The following FOXP2 variants were observed in gnomAD, a reference collection of about 807,000 sequenced individuals.
FOXP2 encodes the protein forkhead box P2.
Under a neutral mutation model 115.8 loss-of-function variants are expected in FOXP2, and 12 were observed. The ratio of observed to expected loss-of-function variants is 0.10; its 90% CI spans 0.07 to 0.17. The LOEUF is 0.17. FOXP2 is among the 10% of genes least tolerant of loss of function. The probability of loss-of-function intolerance (pLI) is 1.00; values close to 1 mark genes in which losing one functional copy is unlikely to be tolerated. For missense variants in FOXP2, 629 were observed against 843.5 expected (o/e 0.75, Z 3.15); for synonymous variants, 328 against 297.7 (o/e 1.10, Z -1.05).
intron 2 of FOXP2, among the ~76,000 whole-genome samples, chr7:114,355,101 A>G (rs530941954): frequency 6.6e-6 from 1 of 152,272 alleles, no homozygotes; most frequent in South Asian, 2.1e-4. Context: ...AAAAACAAAC[A>G]TATCTTTTGT....
At chr7:114,209,751 T>G (rs532109336) in intron 1 of FOXP2, among the ~76,000 whole-genome samples, 19 of 152,292 alleles carry the variant, frequency 1.2e-4, no homozygotes, top group African/African-American at 4.6e-4. Context: ...TTTTCAACTT[T>G]GTTTCATTCT....
chr7:114,236,949 C>T (rs4503027), intron 1 of FOXP2, among the ~76,000 whole-genome samples: 1 of 152,050 alleles, frequency 6.6e-6, no homozygotes, highest in Non-Finnish European at 1.5e-5. Context: ...TGACTCCATC[C>T]TAGGTGATAG....
intron 2 of FOXP2, among the ~76,000 whole-genome samples, chr7:114,429,712 G>T: frequency 6.6e-6 from 1 of 151,422 alleles, no homozygotes; most frequent in East Asian, 1.9e-4. Context: ...CTGCTTTGAA[G>T]GTGTTTCAGG....
At chr7:114,664,594 A>T in intron 16 of FOXP2, 158 bp downstream of exon 16, 1 of 873,772 alleles carries the variant, frequency 1.1e-6, no homozygotes, top group Non-Finnish European at 1.7e-6. Context: ...AAGTTTATCA[A>T]AATCGGTTTT....
At chr7:114,371,530 A>G (rs921345194) in intron 2 of FOXP2, among the ~76,000 whole-genome samples, 3 of 152,130 alleles carry the variant, frequency 2.0e-5, no homozygotes, top group African/African-American at 7.2e-5. Flanking sequence ...TTGATGTAAA[A>G]GATATATGCT....
chr7:114,577,209 A>G (rs2129299206), intron 3 of FOXP2, among the ~76,000 whole-genome samples: 1 of 152,074 alleles, frequency 6.6e-6, no homozygotes, highest in South Asian at 2.1e-4. Context: ...TAAAATATAA[A>G]TTTCAATACA....
At chr7:114,593,884 T>G (rs1332811399) in intron 3 of FOXP2, among the ~76,000 whole-genome samples, 5 of 152,016 alleles carry the variant, frequency 3.3e-5, no homozygotes, top group African/African-American at 1.2e-4. Context: ...TAAATATTTA[T>G]TAGTTGATTG....
At chr7:114,497,918 T>C (rs911191144) in intron 2 of FOXP2, among the ~76,000 whole-genome samples, 1 of 152,080 alleles carries the variant, frequency 6.6e-6, no homozygotes, top group Non-Finnish European at 1.5e-5. Context: ...GATGATGAGA[T>C]TCAGATTAAA....
At chr7:114,341,880 T>C (rs1791225520) in intron 2 of FOXP2, among the ~76,000 whole-genome samples, 1 of 151,410 alleles carries the variant, frequency 6.6e-6, no homozygotes, top group South Asian at 2.1e-4. Context: ...ACAGTAGTTT[T>C]GACTGCTCAA....
chr7:114,509,104 C>G (rs1389481153), intron 2 of FOXP2, among the ~76,000 whole-genome samples: 1 of 151,948 alleles, frequency 6.6e-6, no homozygotes, highest in African/African-American at 2.4e-5. Flanking sequence ...AGCAAGGATA[C>G]CAGTGTGTCT....
At chr7:114,320,567 T>C (rs1438784002) in intron 2 of FOXP2, among the ~76,000 whole-genome samples, 1 of 152,210 alleles carries the variant, frequency 6.6e-6, no homozygotes, top group Non-Finnish European at 1.5e-5. Context: ...ATTCTAGTTA[T>C]TCAGTCACTC....
At chr7:114,538,476 C>A (rs995258211) in intron 3 of FOXP2, 5 of 678,788 alleles carry the variant, frequency 7.4e-6, no homozygotes, top group African/African-American at 1.9e-5. Context: ...ATATAAAGTT[C>A]TCCTTTCTAA....
At chr7:114,268,671 C>A (rs1275146927) in intron 1 of FOXP2, among the ~76,000 whole-genome samples, 4 of 151,574 alleles carry the variant, frequency 2.6e-5, no homozygotes, top group African/African-American at 9.7e-5. Flanking sequence ...ACTACTCACT[C>A]TGACGATTGG....
chr7:114,623,896 T>C (rs1804388832), intron 3 of FOXP2, among the ~76,000 whole-genome samples: 1 of 151,882 alleles, frequency 6.6e-6, no homozygotes, highest in African/African-American at 2.4e-5. Flanking sequence ...AAGATTGCGT[T>C]AAATAGCAAT....
chr7:114,378,783 A>T (rs1272002560), intron 2 of FOXP2, among the ~76,000 whole-genome samples: 1 of 149,648 alleles, frequency 6.7e-6, no homozygotes, highest in Non-Finnish European at 1.5e-5. Context: ...AGAATTCTAC[A>T]TTTAGAGTAG....
chr7:114,339,270 A>G (rs537180364), intron 2 of FOXP2, among the ~76,000 whole-genome samples: 55 of 151,304 alleles, frequency 3.6e-4, no homozygotes, highest in African/African-American at 1.3e-3. Flanking sequence ...ACTGAGTGCA[A>G]CATGGTATAT....
intron 3 of FOXP2, among the ~76,000 whole-genome samples, chr7:114,553,129 A>G (rs527950796): frequency 3.3e-5 from 5 of 152,294 alleles, no homozygotes; most frequent in Non-Finnish European, 7.4e-5. Context: ...TATTTATTGT[A>G]ATAGCTGCTC....
intron 2 of FOXP2, among the ~76,000 whole-genome samples, chr7:114,506,270 A>T (rs1384802456): frequency 6.6e-6 from 1 of 151,716 alleles, no homozygotes; most frequent in African/African-American, 2.4e-5. Context: ...AGATTACGTG[A>T]ATCTGACCTA....
intron 2 of FOXP2, among the ~76,000 whole-genome samples, chr7:114,446,085 AT>A (rs1794826229): frequency 6.6e-6 from 1 of 151,976 alleles, no homozygotes; most frequent in African/African-American, 2.4e-5. Context: ...TAAGTCTGAT[AT>A]TTTTAGAGCA....
Sources: allele counts gnomAD v4.1 joint callset (sites outside exome capture counted in the v4.1 genomes callset), GRCh38; gene constraint gnomAD v4.1.1; transcripts MANE v1.5; gene names NCBI Gene and HGNC (gene_info 2026-07-23, HGNC 2026-07-21).